GNE: variants seen among roughly 807,000 people sequenced by gnomAD.
GNE encodes the protein glucosamine (UDP-N-acetyl)-2-epimerase/N-acetylmannosamine kinase, also known as bifunctional UDP-N-acetylglucosamine 2-epimerase/N-acetylmannosamine kinase.
Under a neutral mutation model 61.8 loss-of-function variants are expected in GNE, and 41 were observed. The ratio of observed to expected loss-of-function variants is 0.66; its 90% CI spans 0.52 to 0.86. GNE has a LOEUF of 0.86. Ranked by LOEUF, GNE falls within the 40% of genes least tolerant of loss-of-function variation. The pLI is 0.00. For missense variants in GNE, 608 were observed against 909.1 expected, an observed-to-expected ratio of 0.67 and a Z score of 4.26; for synonymous variants, 264 against 326.4, an observed-to-expected ratio of 0.81 and a Z score of 2.06.
At chr9:36,248,535 G>C (rs1411065179) in intron 2 of GNE, among the ~76,000 whole-genome samples, 2 of 151,666 alleles carry the variant, frequency 1.3e-5, no homozygotes, top group Non-Finnish European at 2.9e-5. Flanking sequence ...TGTTGGCCAG[G>C]CTGGTCTCAA....
At chr9:36,247,081 G>C (rs1829913404) in intron 2 of GNE, among the ~76,000 whole-genome samples, 1 of 148,252 alleles carries the variant, frequency 6.7e-6, no homozygotes. Flanking sequence ...TTTTGAGACA[G>C]AGTCTCGCTC....
chr9:36,238,916 G>A (rs1587323774), intron 3 of GNE, among the ~76,000 whole-genome samples: 1 of 152,176 alleles, frequency 6.6e-6, no homozygotes, highest in East Asian at 1.9e-4. Flanking sequence ...TATAAGGTGA[G>A]AGATGAGGAT....
At chr9:36,217,837 A>T (rs1201100521) in intron 11 of GNE, among the ~76,000 whole-genome samples, 1 of 152,220 alleles carries the variant, frequency 6.6e-6, no homozygotes, top group Non-Finnish European at 1.5e-5. Flanking sequence ...CAAAAAAATG[A>T]ATAGAAAGAC....
At chr9:36,233,873 C>G (rs775635848) in intron 5 of GNE, 47 bp downstream of exon 5, 2 of 1,364,654 alleles carry the variant, frequency 1.5e-6, no homozygotes, top group African/African-American at 2.8e-5. Flanking sequence ...TAACAACTCA[C>G]GTATGTATAA....
At chr9:36,241,724 A>G (rs1393715522) in intron 3 of GNE, among the ~76,000 whole-genome samples, 2 of 152,274 alleles carry the variant, frequency 1.3e-5, no homozygotes, top group East Asian at 1.9e-4. Flanking sequence ...ATGCCTTTTT[A>G]ACATTGCTAA....
At chr9:36,260,703 A>G (rs1205056900), upstream of GNE, among the ~76,000 whole-genome samples, 7 of 151,662 alleles carry the variant, frequency 4.6e-5, no homozygotes, top group Non-Finnish European at 8.8e-5. Flanking sequence ...CCCCATCTCT[A>G]CTAAAAATAC....
chr9:36,246,394 C>T lies in GNE; in HGVS notation c.253G>A (p.Val85Met), dbSNP rs1317734365. Residue 85 changes from valine to methionine, a missense_variant, in exon 3 of 12, where the codon GTG becomes ATG. By Grantham distance (21) the Val-to-Met change is conservative. Transcript: ENST00000642385. Reference protein sequence around the residue: ...IVRGEDEAAMVESVGLALVKL... With the variant: ...IVRGEDEAAMMESVGLALVKL... ...ACTAGGGCCAGGCCTACTGACTCCA[C>T]CATGGCTGCCTCATCTTCTCCCCTC... 6.2e-7 allele frequency: 1 copy of T among 1,613,650 alleles called. No homozygotes were observed. The highest frequency in any genetic ancestry group is 1.3e-5 in the African/African-American group (1 of 74,958).
At chr9:36,249,883 CAAA>C (rs568526742) in intron 1 of GNE, among the ~76,000 whole-genome samples, 3 of 129,828 alleles carry the variant, frequency 2.3e-5, no homozygotes, top group Non-Finnish European at 3.3e-5. Context: ...GACTCCATCT[CAAA>C]AAAAAAAAAA....
chr9:36,256,236 ATTCTTTT>A (rs1293674256), intron 1 of GNE, among the ~76,000 whole-genome samples: 6 of 115,896 alleles, frequency 5.2e-5, no homozygotes, highest in Admixed American at 9.7e-5. Context: ...GAGAAACCCA[ATTCTTTT>A]TTTTTTTTTT....
At chr9:36,252,690 TA>T (rs1423153857) in intron 1 of GNE, among the ~76,000 whole-genome samples, 1 of 152,168 alleles carries the variant, frequency 6.6e-6, no homozygotes, top group Admixed American at 6.6e-5. Flanking sequence ...GGGGAGGTTT[TA>T]AAAAATAATT....
rs1829288098 is a variant in GNE, at chr9:36,234,013, T to C, written c.889A>G (p.Met297Val). 5 of 1,613,986 alleles carry C rather than the reference T, an allele frequency of 3.1e-6. No individual in the cohort carries two copies. Among genetic ancestry groups the C allele is most frequent in the African/African-American group, 1.3e-5 (1 of 74,912 alleles). The change falls in exon 5 of 12, where the codon ATG (methionine) becomes GTG (valine). Residue 297 changes from methionine (M) to valine (V), a missense_variant. Physicochemically the swap from Met to Val is conservative, Grantham distance 21. Coordinates refer to ENST00000642385, the MANE Select transcript of GNE (RefSeq NM_005476.7). ...FIQLVAHAGC[M>V]IGNSSCGVRE... ...ACCCCACAGCTGCTGTTCCCAATCA[T>C]ACAGCCAGCATGGGCAACCAACTGT...
upstream of GNE, among the ~76,000 whole-genome samples, chr9:36,259,832 T>A (rs1057066813): frequency 6.6e-6 from 1 of 152,114 alleles, no homozygotes; most frequent in Non-Finnish European, 1.5e-5. Flanking sequence ...GGCTAATTTT[T>A]GTATTTTTAG....
chr9:36,265,115 G>T, intron 1 of GNE: 1 of 288,916 alleles, frequency 3.5e-6, no homozygotes, highest in South Asian at 3.6e-5. Context: ...GGCGCCCACT[G>T]CTGCTCCCGA....
intron 1 of GNE, among the ~76,000 whole-genome samples, chr9:36,251,405 T>C (rs1438908215): frequency 6.6e-6 from 1 of 152,182 alleles, no homozygotes; most frequent in Admixed American, 6.6e-5. Flanking sequence ...TTTTATGGAA[T>C]TTTTTAAAAA....
intron 1 of GNE, among the ~76,000 whole-genome samples, chr9:36,255,485 A>G (rs1251477907): frequency 1.3e-5 from 2 of 152,188 alleles, no homozygotes; most frequent in Non-Finnish European, 2.9e-5. Flanking sequence ...AAAAATGTAA[A>G]TTAAAAGCCA....
In GNE at chr9:36,217,511, A is replaced by G. The variant is rs1191857860; in HGVS notation, c.2023T>C (p.Tyr675His). The G allele has an allele frequency of 1.9e-5, 31 of 1,613,934 alleles. No individual in the cohort carries two copies. Among genetic ancestry groups the G allele is most frequent in the African/African-American group, 5.3e-5 (4 of 74,930 alleles). The change falls in exon 12 of 12, where the codon TAT (tyrosine) becomes CAT (histidine). Residue 675 changes from tyrosine (Y) to histidine (H), a missense_variant. Coordinates refer to ENST00000642385, the MANE Select transcript of GNE (RefSeq NM_005476.7). ...ATGACGTCTTTGACAATGTGGATAT[A>G]GTGACTGGCCAGGACTCCGGAGAGG... ...VILSGVLASHYIHIVKDVIRQ... is the reference protein window; with the variant it reads ...VILSGVLASHHIHIVKDVIRQ...
At chr9:36,247,728 A>T (rs1215949657) in intron 2 of GNE, among the ~76,000 whole-genome samples, 1 of 151,998 alleles carries the variant, frequency 6.6e-6, no homozygotes, top group Admixed American at 6.6e-5. Flanking sequence ...AATTCATTTT[A>T]TATTAAAAAA....
chr9:36,248,752 A>G (rs983570106), intron 2 of GNE, among the ~76,000 whole-genome samples: 3 of 152,180 alleles, frequency 2.0e-5, no homozygotes, highest in Non-Finnish European at 4.4e-5. Context: ...ATCTTGTTCC[A>G]TATCTACTAC....
intron 7 of GNE, among the ~76,000 whole-genome samples, chr9:36,224,195 A>G (rs911752312): frequency 6.6e-6 from 1 of 152,066 alleles, no homozygotes; most frequent in African/African-American, 2.4e-5. Context: ...TAATCCCGGC[A>G]CTTTGGGAGG....
Sources: allele counts gnomAD v4.1 joint callset (sites outside exome capture counted in the v4.1 genomes callset), GRCh38; gene constraint gnomAD v4.1.1; transcripts MANE v1.5; gene names NCBI Gene and HGNC (gene_info 2026-07-23, HGNC 2026-07-21).